C1orf116: variants seen among roughly 807,000 people sequenced by gnomAD.
The protein encoded by C1orf116 is chromosome 1 open reading frame 116, also known as specifically androgen-regulated gene protein.
A neutral mutation model predicts 14.1 loss-of-function variants in C1orf116; 12 were observed. The observed-to-expected ratio is 0.85, with a 90% CI of 0.54 to 1.38. The LOEUF (loss-of-function observed/expected upper bound fraction) is 1.38. Among genes scored for constraint, C1orf116 ranks in the 40% most tolerant of loss-of-function variants. The pLI is 0.00. For missense variants in C1orf116, 797 were observed against 747.0 expected (o/e 1.07, Z -0.78); for synonymous variants, 296 against 299.0 (o/e 0.99, Z 0.10).
In C1orf116 at chr1:207,024,743, C is replaced by T. The variant is rs116343293; in HGVS notation, c.283+144G>A. The T allele has an allele frequency of 7.8e-3, 8,162 of 1,052,086 alleles. 396 individuals carry two copies. The African/African-American group carries it at 0.11, about 14-fold the overall frequency. 65.2% of individuals were successfully genotyped at this position (1,052,086 alleles called of 1,614,324 possible). On this transcript the variant is annotated intron_variant, in intron 3 of 3. Coordinates refer to ENST00000359470, the MANE Select transcript of C1orf116 (RefSeq NM_023938.6). ...CTCCAGGGACAAGGCTCTGTTCTAG[C>T]CAGGAGAGTGGTGAGGAGTGTGGCT...
intron 1 of C1orf116, 76 bp from the exon 2 acceptor site, chr1:207,027,755 C>A (rs116222656): frequency 1.0e-4 from 145 of 1,413,932 alleles, no homozygotes; most frequent in Non-Finnish European, 5.7e-5. Flanking sequence ...GGCGGCATGG[C>A]GGGAAGGACA....
At chr1:207,031,297 G>A (rs968596495) in intron 1 of C1orf116, among the ~76,000 whole-genome samples, 2 of 152,204 alleles carry the variant, frequency 1.3e-5, no homozygotes, top group African/African-American at 4.8e-5. Flanking sequence ...CCTTTCACCA[G>A]TGTGTTTGAG....
At chr1:207,032,451 G>A (rs1682276271) in intron 1 of C1orf116, 128 bp downstream of exon 1, 1 of 561,734 alleles carries the variant, frequency 1.8e-6, no homozygotes, top group Non-Finnish European at 2.3e-6. Context: ...AGAGAATTGA[G>A]GAACAGAGAG....
At chr1:207,032,158 C>T (rs530894714) in intron 1 of C1orf116, among the ~76,000 whole-genome samples, 2 of 152,162 alleles carry the variant, frequency 1.3e-5, no homozygotes, top group Non-Finnish European at 2.9e-5. Context: ...GGTAAAGCCA[C>T]GGGAGAATTT....
At chr1:207,028,135 C>G (rs886174397) in intron 1 of C1orf116, among the ~76,000 whole-genome samples, 7 of 152,186 alleles carry the variant, frequency 4.6e-5, no homozygotes, top group African/African-American at 1.7e-4. Flanking sequence ...AATGAGAGAA[C>G]AGTTAGCACA....
Position 207,024,960 on chromosome 1 carries a change from G to T in C1orf116, c.210C>A (p.Ser70=). Residue 70 remains serine (S), a synonymous_variant, in exon 3 of 4, where the codon TCC becomes TCA. Coordinates refer to ENST00000359470, the MANE Select transcript of C1orf116 (RefSeq NM_023938.6). ...SLDTEADSGL[S]TDESEPATTP... ...TTGTGGCTGGCTCAGACTCGTCAGT[G>T]GACAGTCCGCTGTCAGCCTCCGTGT... The T allele has an allele frequency of 6.2e-7, 1 of 1,614,102 alleles. No homozygotes were observed. The highest frequency in any genetic ancestry group is 1.1e-5 in the South Asian group (1 of 91,080).
rs781000116 is a variant in C1orf116 at position 207,023,283 on chromosome 1, G to A, written c.481C>T (p.Pro161Ser). 1.9e-6 allele frequency: 3 copies of A among 1,614,128 alleles called. No homozygotes were observed. The highest frequency in any genetic ancestry group is 2.5e-6 in the Non-Finnish European group (3 of 1,179,968). Residue 161 changes from proline (P) to serine (S), a missense_variant, in exon 4 of 4, where the codon CCG (proline) becomes TCG (serine). By Grantham distance (74) the Pro-to-Ser change is moderately conservative. Transcript: ENST00000359470. ...TCAGGCTCTGGCGCAAGCCTCCCCG[G>A]TTCTCCAGGGTTGTGACTGCTAGCC... ...TQASSHNPGEPGRLAPEPEKE... is the reference protein window; with the variant it reads ...TQASSHNPGESGRLAPEPEKE...
chr1:207,028,625 C>T (rs1682152703), intron 1 of C1orf116, among the ~76,000 whole-genome samples: 1 of 152,188 alleles, frequency 6.6e-6, no homozygotes, highest in Non-Finnish European at 1.5e-5. Context: ...ATGTAGCTTC[C>T]TCCCAACTCT....
rs1681952396 is a variant in C1orf116, at chr1:207,023,356, C to G, written c.408G>C (p.Arg136Ser). Reference sequence around the variant, plus strand: ...TCTGGCTTCTGGCAATGTGGATATTCCTAGGGAGGCTGTAGGAGCCAGACC... The same window carrying G: ...TCTGGCTTCTGGCAATGTGGATATTGCTAGGGAGGCTGTAGGAGCCAGACC... Reference protein sequence around the residue: ...GLRSGSYSLPRNIHIARSQNF... With the variant: ...GLRSGSYSLPSNIHIARSQNF... The change falls in exon 4 of 4, where the codon AGG becomes AGC. Residue 136 changes from arginine (R) to serine (S), a missense_variant. By Grantham distance (110) the Arg-to-Ser change is moderately radical. Transcript: ENST00000359470. 6.2e-7 allele frequency: 1 copy of G among 1,614,092 alleles called. No individual in the cohort carries two copies. The highest frequency in any genetic ancestry group is 2.2e-5 in the East Asian group (1 of 44,880).
Position 207,023,403 on chromosome 1 carries a change from C to T in C1orf116, c.361G>A (p.Glu121Lys), listed in dbSNP as rs1681953678. The change falls in exon 4 of 4, where the codon GAG becomes AAG. Residue 121 changes from glutamate to lysine, a missense_variant. Coordinates refer to ENST00000359470, the MANE Select transcript of C1orf116 (RefSeq NM_023938.6). ...VTESSSSHPP[E>K]PQGLGLRSGS... Reference sequence around the variant, plus strand: ...GACCTGAGGCCTAGGCCCTGGGGCTCAGGAGGGTGGGATGAGCTGGACTCA... The same window carrying T: ...GACCTGAGGCCTAGGCCCTGGGGCTTAGGAGGGTGGGATGAGCTGGACTCA... The T allele has an allele frequency of 6.2e-7, 1 of 1,613,986 alleles. No individual in the cohort carries two copies. Among genetic ancestry groups the T allele is most frequent in the Non-Finnish European group, 8.5e-7 (1 of 1,179,946 alleles).
In C1orf116 at chr1:207,022,813, G is replaced by A. The variant is rs1408359144; in HGVS notation, c.951C>T (p.Asp317=). The A allele has an allele frequency of 6.2e-7, 1 of 1,614,074 alleles. No homozygotes were observed. Among genetic ancestry groups the A allele is most frequent in the Admixed American group, 1.7e-5 (1 of 60,030 alleles). The change falls in exon 4 of 4, where the codon GAC becomes GAT. Residue 317 remains aspartate (D), a synonymous_variant. Transcript: ENST00000359470. ...LKSSRSSFHS[D]PQHWLSRHTE... is the part of the protein sequence containing the mutation. ...TGTGGCGGGACAGCCAGTGCTGGGGGTCACTGTGGAAACTGCTTCGGCTGC... is the reference window on the plus strand; with the variant it reads ...TGTGGCGGGACAGCCAGTGCTGGGGATCACTGTGGAAACTGCTTCGGCTGC...
chr1:207,022,015 A>C lies in C1orf116; in HGVS notation c.1749T>G (p.Gly583=). 2.6e-6 allele frequency: 4 copies of C among 1,564,618 alleles called. No homozygotes were observed. The highest frequency in any genetic ancestry group is 3.5e-6 in the Non-Finnish European group (4 of 1,159,268). The change falls in exon 4 of 4, where the codon GGT becomes GGG. Residue 583 remains glycine, a synonymous_variant. Transcript: ENST00000359470. ...CCTCCCTTCTGTGTTCATTGGGGAC[A>C]CCCTTTGGGGAGATCTTGACACTGA... ...PCVSVKISPK[G]VPNEHRREAL...
chr1:207,030,425 A>T (rs2102306350), intron 1 of C1orf116, among the ~76,000 whole-genome samples: 1 of 152,110 alleles, frequency 6.6e-6, no homozygotes, highest in Non-Finnish European at 1.5e-5. Context: ...CATACCTTAA[A>T]CCCTGCAAAT....
rs762579320 is a variant in C1orf116, at chr1:207,022,526, G to A, written c.1238C>T (p.Ala413Val). 2.5e-6 allele frequency: 4 copies of A among 1,614,136 alleles called. No individual in the cohort carries two copies. Among genetic ancestry groups the A allele is most frequent in the Middle Eastern group, 1.7e-4 (1 of 6,056 alleles). The change falls in exon 4 of 4, where the codon GCT (alanine) becomes GTT (valine). Residue 413 changes from alanine to valine, a missense_variant. Physicochemically the swap from Ala to Val is moderately conservative, Grantham distance 64 (BLOSUM62 0). Transcript: ENST00000359470. ...IPAAGKALAQ[A>V]PAPAPGPAQG... ...AGCTGGACCTGGAGCTGGAGCCGGAGCTTGAGCCAGAGCCTTCCCAGCAGC... is the reference window on the plus strand; with the variant it reads ...AGCTGGACCTGGAGCTGGAGCCGGAACTTGAGCCAGAGCCTTCCCAGCAGC...
In C1orf116 at chr1:207,022,728, C is replaced by T. The variant is rs757539856; in HGVS notation, c.1036G>A (p.Ala346Thr). ...ISCSLQEQRK[A>T]RKEALEKLGL... ...AGCTTCTCTAGAGCTTCTTTACGTGCTTTTCTCTGCTCTTGCAGTGAACAG... is the reference window on the plus strand; with the variant it reads ...AGCTTCTCTAGAGCTTCTTTACGTGTTTTTCTCTGCTCTTGCAGTGAACAG... The change falls in exon 4 of 4, where the codon GCA becomes ACA. Residue 346 changes from alanine to threonine, a missense_variant. Transcript: ENST00000359470. 6.2e-7 allele frequency: 1 copy of T among 1,614,188 alleles called. No homozygotes were observed. Among genetic ancestry groups the T allele is most frequent in the South Asian group, 1.1e-5 (1 of 91,080 alleles).
At chr1:207,024,045 G>C (rs1438200585) in intron 3 of C1orf116, among the ~76,000 whole-genome samples, 2 of 152,170 alleles carry the variant, frequency 1.3e-5, no homozygotes, top group African/African-American at 4.8e-5. Context: ...ATTCAACCAG[G>C]CTTCTGCCTT....
rs35487307 is a variant in C1orf116, at chr1:207,022,683, C to G, written c.1081G>C (p.Asp361His). 9.3e-4 allele frequency: 1,494 copies of G among 1,614,048 alleles called. 7 individuals are homozygous for G. In the African/African-American group the frequency reaches 9.3e-3, roughly 10 times the overall value. The change falls in exon 4 of 4, where the codon GAT (aspartate) becomes CAT (histidine). Residue 361 changes from aspartate (D) to histidine (H), a missense_variant. Asp to His is a moderately conservative substitution (Grantham distance 81). Coordinates refer to ENST00000359470, the MANE Select transcript of C1orf116 (RefSeq NM_023938.6). Reference sequence around the variant, plus strand: ...TTACTTAAGTGGAGTCCAGGCTCATCTTGATCCTGGGGTAGCCCCAGCTTC... The same window carrying G: ...TTACTTAAGTGGAGTCCAGGCTCATGTTGATCCTGGGGTAGCCCCAGCTTC... ...LEKLGLPQDQ[D>H]EPGLHLSKPT...
chr1:207,025,747 G>A (rs1356708196), intron 2 of C1orf116, among the ~76,000 whole-genome samples: 1 of 152,188 alleles, frequency 6.6e-6, no homozygotes, highest in Non-Finnish European at 1.5e-5. Context: ...ATGACATTTG[G>A]CTCTGGCTAA....
chr1:207,022,985 G>A lies in C1orf116; in HGVS notation c.779C>T (p.Thr260Ile), dbSNP rs565695393. The change falls in exon 4 of 4, where the codon ACA becomes ATA. Residue 260 changes from threonine to isoleucine, a missense_variant. Coordinates refer to ENST00000359470, the MANE Select transcript of C1orf116 (RefSeq NM_023938.6). ...CCCTGCAGGAGGAGGCTGGGGTTGT[G>A]TGTACCTGGTTGAGACTGTTTCCTT... is the stretch of plus-strand genomic sequence containing the variant. ...KAKETVSTRYTQPQPPPAGLP... is the reference protein window; with the variant it reads ...KAKETVSTRYIQPQPPPAGLP... 3 of 1,614,128 alleles carry A rather than the reference G, an allele frequency of 1.9e-6. No homozygotes were observed. Among genetic ancestry groups the A allele is most frequent in the South Asian group, 2.2e-5 (2 of 91,088 alleles).
Sources: allele counts gnomAD v4.1 joint callset (sites outside exome capture counted in the v4.1 genomes callset), GRCh38; gene constraint gnomAD v4.1.1; transcripts MANE v1.5; gene names NCBI Gene and HGNC (gene_info 2026-07-23, HGNC 2026-07-21).